DCLK2: variants seen among roughly 807,000 people sequenced by gnomAD.
DCLK2 encodes serine/threonine-protein kinase DCLK2.
DCLK2 carries 31 observed loss-of-function variants against 78.4 expected under a neutral mutation model. The observed-to-expected ratio is 0.40, with a 90% CI of 0.30 to 0.53. The LOEUF (loss-of-function observed/expected upper bound fraction) is 0.53. Ranked by LOEUF, DCLK2 falls within the 20% of genes least tolerant of loss-of-function variation. DCLK2 has a pLI of 0.61. For missense variants in DCLK2, 872 were observed against 973.7 expected (o/e 0.90, Z 1.39); for synonymous variants, 407 against 374.9 (o/e 1.09, Z -0.99).
intron 2 of DCLK2, among the ~76,000 whole-genome samples, chr4:150,125,601 C>T (rs562624045): frequency 6.6e-6 from 1 of 152,206 alleles, no homozygotes; most frequent in South Asian, 2.1e-4. Context: ...AATAGTTATG[C>T]ATGTGTGGCC....
chr4:150,142,237 A>T (rs1734156191), intron 2 of DCLK2, among the ~76,000 whole-genome samples: 1 of 152,256 alleles, frequency 6.6e-6, no homozygotes, highest in African/African-American at 2.4e-5. Context: ...ATCAGTTTTC[A>T]GGAGCACATC....
At chr4:150,198,609 T>C (rs1243919708) in intron 4 of DCLK2, among the ~76,000 whole-genome samples, 1 of 152,232 alleles carries the variant, frequency 6.6e-6, no homozygotes, top group Non-Finnish European at 1.5e-5. Context: ...AACAGTATAA[T>C]TAAGTTTCTT....
chr4:150,249,845 C>T lies in DCLK2; in HGVS notation c.2073+161C>T, dbSNP rs533127618. 2.6e-5 allele frequency among the ~76,000 whole-genome samples: 4 copies of T among 152,248 alleles called. No homozygotes were observed. In the East Asian group the frequency reaches 5.8e-4, roughly 22 times the overall value. ...GTGGAGGGCACTCATTCGGCAACTC[C>T]CAGGCTTTGGGCACTGTGTGGAGGG... On this transcript the variant is annotated intron_variant, in intron 15 of 15. Coordinates refer to ENST00000296550, the MANE Select transcript of DCLK2 (RefSeq NM_001040260.4).
intron 6 of DCLK2, 45 bp downstream of exon 6, chr4:150,220,823 T>C (rs1440935066): frequency 1.6e-5 from 24 of 1,465,688 alleles, no homozygotes; most frequent in African/African-American, 2.8e-5. Context: ...AAATCATGCA[T>C]GGGGACTTGG....
At chr4:150,177,266 C>G (rs763104486) in intron 2 of DCLK2, among the ~76,000 whole-genome samples, 8 of 152,014 alleles carry the variant, frequency 5.3e-5, no homozygotes, top group Non-Finnish European at 7.3e-5. Context: ...ATAGCTCCAA[C>G]CTGAATAATT....
intron 10 of DCLK2, among the ~76,000 whole-genome samples, chr4:150,235,774 G>A (rs960306005): frequency 1.7e-4 from 26 of 152,230 alleles, no homozygotes; most frequent in African/African-American, 5.5e-4. Flanking sequence ...AGTGACTGTC[G>A]GCCTCTTCTT....
At chr4:150,168,759 G>T (rs561543686) in intron 2 of DCLK2, among the ~76,000 whole-genome samples, 41 of 152,186 alleles carry the variant, frequency 2.7e-4, no homozygotes, top group Non-Finnish European at 4.7e-4. Flanking sequence ...AGCATTGCGT[G>T]TATTTTCCTT....
At chr4:150,090,880 A>G in intron 1 of DCLK2, among the ~76,000 whole-genome samples, 1 of 152,100 alleles carries the variant, frequency 6.6e-6, no homozygotes, top group East Asian at 1.9e-4. Flanking sequence ...AGGTGATCTT[A>G]TTTTGTGTCC....
At position 150,197,993 on chromosome 4, in the gene DCLK2, C is replaced by A; in HGVS notation, c.860-9C>A. 3 of 1,603,004 alleles carry A rather than the reference C, an allele frequency of 1.9e-6. No homozygotes were observed. The highest frequency in any genetic ancestry group is 2.5e-6 in the Non-Finnish European group (3 of 1,176,902). ...CAGATTTAGTTAATGCACTTTTGTT[C>A]TTTTCTAGAATGTCGTGTCCTGAAG... On this transcript the variant is annotated splice_polypyrimidine_tract_variant and intron_variant, in intron 3 of 15. Transcript: ENST00000296550.
intron 2 of DCLK2, among the ~76,000 whole-genome samples, chr4:150,169,279 A>T (rs1736327101): frequency 6.6e-6 from 1 of 152,248 alleles, no homozygotes; most frequent in Non-Finnish European, 1.5e-5. Context: ...AGAAGGAAAA[A>T]AATGGACTGT....
chr4:150,086,512 T>A (rs6535709), intron 1 of DCLK2, among the ~76,000 whole-genome samples: 575 of 22,158 alleles, frequency 0.026, 4 homozygotes, highest in Admixed American at 0.073. Flanking sequence ...TTTTATTTTT[T>A]TTTTTTTTTT....
At chr4:150,201,877 T>A (rs1739480304) in intron 4 of DCLK2, among the ~76,000 whole-genome samples, 1 of 152,224 alleles carries the variant, frequency 6.6e-6, no homozygotes. Flanking sequence ...CCGGTCATAA[T>A]CTCTCTTTTG....
At chr4:150,160,662 C>T (rs541548494) in intron 2 of DCLK2, among the ~76,000 whole-genome samples, 8 of 152,294 alleles carry the variant, frequency 5.3e-5, no homozygotes, top group South Asian at 2.1e-4. Flanking sequence ...TACTGTGTTC[C>T]GCTAAGACTC....
intron 2 of DCLK2, among the ~76,000 whole-genome samples, chr4:150,167,212 G>A (rs1170405281): frequency 3.9e-5 from 6 of 152,178 alleles, no homozygotes; most frequent in African/African-American, 1.2e-4. Context: ...AAGCCATCTC[G>A]GAAGCCTGGC....
At chr4:150,232,926 C>T (rs1742195240) in intron 10 of DCLK2, 98 bp downstream of exon 10, 33 of 1,393,534 alleles carry the variant, frequency 2.4e-5, no homozygotes, top group Non-Finnish European at 2.8e-5. Flanking sequence ...ACCAATCCTA[C>T]ATTATGAGAC....
At chr4:150,167,420 T>C (rs746588743) in intron 2 of DCLK2, among the ~76,000 whole-genome samples, 1 of 152,240 alleles carries the variant, frequency 6.6e-6, no homozygotes, top group Non-Finnish European at 1.5e-5. Context: ...CAGATCATAC[T>C]ACGGACCTCA....
At chr4:150,101,402 A>G (rs1730881945) in intron 1 of DCLK2, among the ~76,000 whole-genome samples, 1 of 152,196 alleles carries the variant, frequency 6.6e-6, no homozygotes, top group Admixed American at 6.5e-5. Flanking sequence ...ATGGATATTA[A>G]TAGGTTTTTC....
chr4:150,091,631 G>A (rs1359195780), intron 1 of DCLK2, among the ~76,000 whole-genome samples: 2 of 152,106 alleles, frequency 1.3e-5, no homozygotes. Context: ...GTTGTGTTAG[G>A]CAGTTACTGG....
Position 150,167,987 on chromosome 4 carries a change from A to C in DCLK2, c.757-25151A>C, listed in dbSNP as rs1224155454. ...AGGCCATTGTGCATGCAGGCAGCCC[A>C]CCCCAAGGGAAGAACTGGGGGAGAA... On this transcript the variant is annotated intron_variant, in intron 2 of 15. Transcript: ENST00000296550. 2.0e-5 allele frequency among the ~76,000 whole-genome samples: 3 copies of C among 152,140 alleles called. No individual in the cohort carries two copies. The South Asian group carries it at 6.2e-4, about 32-fold the overall frequency.
Sources: gnomAD v4.1 joint callset for allele counts (sites outside exome capture counted in the v4.1 genomes callset) on GRCh38, gnomAD v4.1.1 for gene constraint, MANE v1.5 for transcripts, NCBI Gene and HGNC (gene_info 2026-07-23, HGNC 2026-07-21) for gene names.